Variants in PRC1 observed in about 807,000 individuals in gnomAD.
PRC1 encodes the protein anaphase spindle elongation 1 homolog.
PRC1 carries 54 observed loss-of-function variants against 91.2 expected under a neutral mutation model. That is an observed-to-expected ratio of 0.59 (90% CI 0.48 to 0.74). The LOEUF (loss-of-function observed/expected upper bound fraction) is 0.74, where lower values mean the gene tolerates loss of function less well. PRC1 is among the 30% of genes least tolerant of loss of function. PRC1 has a pLI of 0.00. For missense variants in PRC1, 727 were observed against 746.2 expected, an observed-to-expected ratio of 0.97 and a Z score of 0.30; for synonymous variants, 275 against 263.6, an observed-to-expected ratio of 1.04 and a Z score of -0.42.
At chr15:90,968,139 A>T in intron 14 of PRC1, 1 of 985,462 alleles carries the variant, frequency 1.0e-6, no homozygotes. Flanking sequence ...AGGACTAGCC[A>T]CACAGATAGG....
At position 90,966,834 on chromosome 15, in the gene PRC1, C is replaced by G. The variant is rs186817279; in HGVS notation, c.*297G>C. On this transcript the variant is annotated 3_prime_UTR_variant, in exon 15 of 15. Transcript: ENST00000394249. ...GTGGTGAAATAAAACAAGCTTTGAT[C>G]ATGCTTCAGCAAGTAGAATTATGTG... 42 of 490,672 alleles carry G rather than the reference C, an allele frequency of 8.6e-5. No homozygotes were observed. Among genetic ancestry groups the G allele is most frequent in the African/African-American group, 7.2e-4 (37 of 51,482 alleles). 30.4% of individuals were successfully genotyped at this position (490,672 alleles called of 1,614,324 possible).
At position 90,969,094 on chromosome 15, in the gene PRC1, G is replaced by T; in HGVS notation, c.1776C>A (p.Ser592=). The T allele has an allele frequency of 6.2e-7, 1 of 1,613,990 alleles. No homozygotes were observed. The highest frequency in any genetic ancestry group is 8.5e-7 in the Non-Finnish European group (1 of 1,179,922). ...CCATACAGACCTGAAGCCCAACAGT[G>T]GAACTGTCAGAGAGGGACGGATCCT... ...FAKDPSLSDS[S]TVGLQRELSK... is the part of the protein sequence containing the mutation. Residue 592 remains serine, a synonymous_variant, in exon 14 of 15, where the codon TCC becomes TCA. Transcript: ENST00000394249.
At chr15:90,976,459 G>C (rs1300719985) in intron 9 of PRC1, among the ~76,000 whole-genome samples, 1 of 152,064 alleles carries the variant, frequency 6.6e-6, no homozygotes, top group Non-Finnish European at 1.5e-5. Flanking sequence ...GATTACAGGC[G>C]TGAGCCACTA....
At position 90,984,644 on chromosome 15, in the gene PRC1, C is replaced by G. The variant is rs372183178; in HGVS notation, c.144+49G>C. On this transcript the variant is annotated intron_variant, in intron 2 of 14. Transcript: ENST00000394249. The surrounding 1 kb of genome is among the most constrained non-coding windows in gnomAD (Gnocchi z 5.1). ...CTGTATGCTATCTCGGGTGAGACACCAACATCCTTACCCTGGTCCAATGCA... is the reference window on the plus strand; with the variant it reads ...CTGTATGCTATCTCGGGTGAGACACGAACATCCTTACCCTGGTCCAATGCA... 7 of 1,604,814 alleles carry G rather than the reference C, an allele frequency of 4.4e-6. No individual in the cohort carries two copies. In the African/African-American group the frequency reaches 9.4e-5, roughly 22 times the overall value.
intron 1 of PRC1, among the ~76,000 whole-genome samples, chr15:90,989,741 C>A (rs1308650608): frequency 6.6e-6 from 1 of 151,766 alleles, no homozygotes. Flanking sequence ...TATAGGCATA[C>A]AATGGAATAT....
chr15:90,984,480 C>T lies in PRC1; in HGVS notation c.144+213G>A, dbSNP rs542256974. On this transcript the variant is annotated intron_variant, in intron 2 of 14. Coordinates refer to ENST00000394249, the MANE Select transcript of PRC1 (RefSeq NM_003981.4). This position sits in a 1 kb window ranked among gnomAD's most constrained non-coding sequence, Gnocchi z 5.1. Reference sequence around the variant, plus strand: ...CTGACCTCAAGCAATCCATGCGCCTCGGCCTCCCAAAGTGCTGGGATTACA... The same window carrying T: ...CTGACCTCAAGCAATCCATGCGCCTTGGCCTCCCAAAGTGCTGGGATTACA... 2.0e-5 allele frequency among the ~76,000 whole-genome samples: 3 copies of T among 152,232 alleles called. No individual in the cohort carries two copies. Among genetic ancestry groups the T allele is most frequent in the South Asian group, 2.1e-4 (1 of 4,818 alleles).
Position 90,979,251 on chromosome 15 carries a change from A to G in PRC1, c.1014T>C (p.Ile338=), listed in dbSNP as rs770893256. Residue 338 remains isoleucine, a synonymous_variant, in exon 8 of 15, where the codon ATT becomes ATC. Coordinates refer to ENST00000394249, the MANE Select transcript of PRC1 (RefSeq NM_003981.4). ...CTTCATAGTAGTTTTTTAACCGCAC[A>G]ATCTCAGCATCGTGGAGCTGGAGCA... is the stretch of plus-strand genomic sequence containing the variant. The part of the protein sequence containing the change: ...ESLLQLHDAE[I]VRLKNYYEVH... 9 of 1,614,080 alleles carry G rather than the reference A, an allele frequency of 5.6e-6. No individual in the cohort carries two copies. The South Asian group carries it at 7.7e-5, about 14-fold the overall frequency.
intron 1 of PRC1, among the ~76,000 whole-genome samples, chr15:90,991,056 C>T (rs951403122): frequency 2.6e-5 from 4 of 151,440 alleles, no homozygotes; most frequent in African/African-American, 9.7e-5. Context: ...GGATTACAGG[C>T]GTGAGCCACT....
chr15:90,980,815 A>G, intron 6 of PRC1, 69 bp downstream of exon 6: 1 of 1,596,988 alleles, frequency 6.3e-7, no homozygotes, highest in Non-Finnish European at 8.6e-7. Flanking sequence ...CAAATCAACA[A>G]CAGTCTTTAT....
At position 90,976,700 on chromosome 15, in the gene PRC1, G is replaced by T; in HGVS notation, c.1179C>A (p.Ala393=). The change falls in exon 9 of 15, where the codon GCC becomes GCA. Residue 393 remains alanine, a synonymous_variant. Transcript: ENST00000394249. The part of the protein sequence containing the change: ...GNLLKEEKQR[A]KLQKMLPKLE... ...CCTTGGGCAGCATTTTCTGGAGCTT[G>T]GCTCGTTGTTTTTCTTCTTTTAGAA... 1 of 1,613,206 alleles carries T rather than the reference G, an allele frequency of 6.2e-7. No homozygotes were observed. Among genetic ancestry groups the T allele is most frequent in the Non-Finnish European group, 8.5e-7 (1 of 1,179,240 alleles).
At chr15:90,986,450 C>G (rs958418228) in intron 1 of PRC1, among the ~76,000 whole-genome samples, 1 of 152,128 alleles carries the variant, frequency 6.6e-6, no homozygotes, top group Non-Finnish European at 1.5e-5. Context: ...TGGGGAAACC[C>G]TGTCTCTACT....
Position 90,976,756 on chromosome 15 carries a change from G to T in PRC1, c.1123C>A (p.Pro375Thr), listed in dbSNP as rs763177444. 2 of 1,612,580 alleles carry T rather than the reference G, an allele frequency of 1.2e-6. No individual in the cohort carries two copies. The highest frequency in any genetic ancestry group is 1.1e-5 in the South Asian group (1 of 90,888). The change falls in exon 9 of 15, where the codon CCA becomes ACA. Residue 375 changes from proline to threonine, a missense_variant. Coordinates refer to ENST00000394249, the MANE Select transcript of PRC1 (RefSeq NM_003981.4). ...CCTCCTCGGTTTGTAAATCGATTTGGATCTGAAGCTTTTCTCTGTGAAAAA... is the reference window on the plus strand; with the variant it reads ...CCTCCTCGGTTTGTAAATCGATTTGTATCTGAAGCTTTTCTCTGTGAAAAA... ...FLEFERKASD[P>T]NRFTNRGGNL...
At position 90,994,400 on chromosome 15, in the gene PRC1, C is replaced by T. The variant is rs767684654; in HGVS notation, c.11+7G>A. 1.4e-5 allele frequency: 22 copies of T among 1,611,944 alleles called. No homozygotes were observed. The highest frequency in any genetic ancestry group is 2.2e-5 in the East Asian group (1 of 44,718). ...CCGCGTCCCCTCGATTTCCCCGCAA[C>T]CCGCACCTTCTCCTCATGGCGGACG... On this transcript the variant is annotated splice_region_variant and intron_variant, in intron 1 of 14. Coordinates refer to ENST00000394249, the MANE Select transcript of PRC1 (RefSeq NM_003981.4).
Position 90,980,660 on chromosome 15 carries a change from C to T in PRC1, c.822+224G>A, listed in dbSNP as rs1012298305. 4.4e-6 allele frequency: 3 copies of T among 689,014 alleles called. No homozygotes were observed. In the East Asian group the frequency reaches 8.5e-5, roughly 20 times the overall value. 42.7% of individuals were successfully genotyped at this position (689,014 alleles called of 1,614,324 possible). A position where few individuals can be genotyped will look rare whatever the true frequency, so the allele number is the denominator to read the frequency against. On this transcript the variant is annotated intron_variant, in intron 6 of 14. Coordinates refer to ENST00000394249, the MANE Select transcript of PRC1 (RefSeq NM_003981.4). ...TCAGCCTCCCAAGTAGCTGGGATTA[C>T]AGGCGCACGCCACTACCACCTGGCT...
At chr15:90,987,579 G>C (rs1157952521) in intron 1 of PRC1, 1 of 152,118 alleles carries the variant, frequency 6.6e-6, no homozygotes. Flanking sequence ...ATCACAATTA[G>C]TCTGCTTTAC....
chr15:90,981,323 G>T, intron 5 of PRC1, 176 bp downstream of exon 5: 2 of 762,996 alleles, frequency 2.6e-6, no homozygotes, highest in African/African-American at 1.7e-5. Flanking sequence ...CCATATAAAG[G>T]TTTTTTAACT....
chr15:90,980,148 G>A, intron 7 of PRC1, 94 bp downstream of exon 7: 2 of 1,419,328 alleles, frequency 1.4e-6, no homozygotes, highest in Non-Finnish European at 1.9e-6. Flanking sequence ...AAGTTGGGAG[G>A]ATTGTTTGAG....
intron 1 of PRC1, among the ~76,000 whole-genome samples, chr15:90,991,792 G>A (rs1017279766): frequency 6.6e-6 from 1 of 152,058 alleles, no homozygotes; most frequent in Non-Finnish European, 1.5e-5. Context: ...TATGGCAGGG[G>A]CCTCTTAACT....
chr15:90,976,237 C>T (rs1457074464), intron 9 of PRC1, among the ~76,000 whole-genome samples: 3 of 151,842 alleles, frequency 2.0e-5, no homozygotes, highest in Non-Finnish European at 4.4e-5. Flanking sequence ...TACAGGTGCC[C>T]GCCACCATGC....
Sources: gnomAD v4.1 joint callset for allele counts (sites outside exome capture counted in the v4.1 genomes callset) on GRCh38, gnomAD v4.1.1 for gene constraint, Gnocchi (gnomAD v3.1) non-coding constraint, MANE v1.5 for transcripts, NCBI Gene and HGNC (gene_info 2026-07-23, HGNC 2026-07-21) for gene names.